The following GVQW3 variants were observed in gnomAD, a reference collection of about 807,000 sequenced individuals.
The protein encoded by GVQW3 is protein GVQW3.
GVQW3 carries 7 observed loss-of-function variants against 12.5 expected under a neutral mutation model. The observed-to-expected ratio is 0.56, with a 90% CI of 0.32 to 1.05. The LOEUF (loss-of-function observed/expected upper bound fraction) is 1.05. GVQW3 is among the 50% of genes least tolerant of loss of function. GVQW3 has a pLI of 0.04. For missense variants in GVQW3, 188 were observed against 190.8 expected, an observed-to-expected ratio of 0.99 and a Z score of 0.09; for synonymous variants, 71 against 67.2, an observed-to-expected ratio of 1.06 and a Z score of -0.28.
chr11:76,387,597 A>G (rs901274288), intron 1 of GVQW3, among the ~76,000 whole-genome samples: 2 of 152,024 alleles, frequency 1.3e-5, no homozygotes, highest in African/African-American at 4.8e-5. Flanking sequence ...TTAATGCCAC[A>G]TTGATCTGGC....
Position 76,382,153 on chromosome 11 carries a change from A to C in GVQW3, c.325A>C (p.Lys109Gln), listed in dbSNP as rs1330844899. 1 of 1,536,322 alleles carries C rather than the reference A, an allele frequency of 6.5e-7. No homozygotes were observed. Among genetic ancestry groups the C allele is most frequent in the Admixed American group, 2.0e-5 (1 of 51,012 alleles). Reference protein sequence around the residue: ...LDKETVRLILKENLNMRKISA... With the variant: ...LDKETVRLILQENLNMRKISA... The stretch of plus-strand genomic sequence containing the variant: ...CAAAGAAACTGTTAGGCTCATTTTG[A>C]AAGAAAACTTGAACATGAGGAAGAT... Residue 109 changes from lysine (K) to glutamine (Q), a missense_variant, in exon 1 of 2, where the codon AAA becomes CAA. Coordinates refer to ENST00000529331, the MANE Select transcript of GVQW3 (RefSeq NM_001347885.2).
chr11:76,400,006 T>TACAC (rs60192043), intron 1 of GVQW3, among the ~76,000 whole-genome samples: 18,414 of 140,264 alleles, frequency 0.13, 1,239 homozygotes, highest in Middle Eastern at 0.16. Flanking sequence ...TCTCTCTGTA[T>TACAC]ACACACACAC....
intron 1 of GVQW3, among the ~76,000 whole-genome samples, chr11:76,401,737 C>T (rs1228650286): frequency 1.4e-5 from 2 of 141,612 alleles, no homozygotes; most frequent in African/African-American, 2.7e-5. Context: ...TGCACCATTG[C>T]ACTCCAGCCT....
chr11:76,413,077 A>G (rs1279036372), downstream of GVQW3: 3 of 152,222 alleles, frequency 2.0e-5, no homozygotes, highest in Non-Finnish European at 4.4e-5. Flanking sequence ...TAAGAACGGA[A>G]ACTTCAAGAA....
intron 1 of GVQW3, chr11:76,390,272 ATGAG>A (rs1388165079): frequency 6.6e-6 from 1 of 152,214 alleles, no homozygotes; most frequent in Non-Finnish European, 1.5e-5. Context: ...TATAGAATGA[ATGAG>A]TGAGGCTTGG....
At chr11:76,398,895 A>G (rs943518832) in intron 1 of GVQW3, among the ~76,000 whole-genome samples, 3 of 152,206 alleles carry the variant, frequency 2.0e-5, no homozygotes, top group Non-Finnish European at 2.9e-5. Flanking sequence ...TAATTTGTGT[A>G]TAGGATTCTG....
chr11:76,411,965 A>G (rs896385713), downstream of GVQW3: 1 of 152,212 alleles, frequency 6.6e-6, no homozygotes, highest in East Asian at 1.9e-4. Flanking sequence ...ATATGGATCC[A>G]CAGATAGCTT....
chr11:76,401,039 A>AT (rs138695486), intron 1 of GVQW3, among the ~76,000 whole-genome samples: 6,533 of 149,386 alleles, frequency 0.044, 181 homozygotes, highest in East Asian at 0.08. Flanking sequence ...ATATATATAT[A>AT]TATTTTTTCT....
chr11:76,384,286 C>T (rs1946809406), intron 1 of GVQW3, among the ~76,000 whole-genome samples: 1 of 152,186 alleles, frequency 6.6e-6, no homozygotes, highest in Admixed American at 6.5e-5. Flanking sequence ...CTCTACTCAC[C>T]TCCAAAAATT....
rs1946771555 is a variant in GVQW3 at position 76,381,800 on chromosome 11, T to C, written c.-29T>C. 4 of 1,491,686 alleles carry C rather than the reference T, an allele frequency of 2.7e-6. No individual in the cohort carries two copies. Among genetic ancestry groups the C allele is most frequent in the Non-Finnish European group, 3.6e-6 (4 of 1,126,486 alleles). 92.4% of individuals were successfully genotyped at this position (1,491,686 alleles called of 1,614,324 possible). On this transcript the variant is annotated 5_prime_UTR_variant, in exon 1 of 2. Coordinates refer to ENST00000529331, the MANE Select transcript of GVQW3 (RefSeq NM_001347885.2). ...TCTTTCCCTTACAGTCGTGGCCTGT[T>C]AAACGTTCCTGTGTTGTTCAGTGCC...
Position 76,403,547 on chromosome 11 carries a change from G to A in GVQW3, c.466-113G>A, listed in dbSNP as rs1256060752. 1.9e-5 allele frequency: 8 copies of A among 415,342 alleles called. No homozygotes were observed. In the South Asian group the frequency reaches 3.1e-4, roughly 16 times the overall value. 25.7% of individuals were successfully genotyped at this position (415,342 alleles called of 1,614,324 possible). On this transcript the variant is annotated intron_variant, in intron 1 of 1. Coordinates refer to ENST00000529331, the MANE Select transcript of GVQW3 (RefSeq NM_001347885.2). ...TATAGTGGCACGATTTTAGCTCACT[G>A]CAGGCTTGCATTCCTGGGCTCAAGC...
chr11:76,382,377 C>T (rs1231269524), intron 1 of GVQW3, 84 bp downstream of exon 1: 3 of 875,276 alleles, frequency 3.4e-6, no homozygotes, highest in East Asian at 2.6e-5. Context: ...CCAGAGTCCA[C>T]TACTCTGCCA....
At chr11:76,411,746 T>C (rs1244877204), downstream of GVQW3, 2 of 152,186 alleles carry the variant, frequency 1.3e-5, no homozygotes, top group Non-Finnish European at 2.9e-5. Context: ...GTTGATGTAA[T>C]CTTGCAAATC....
At chr11:76,412,912 T>G (rs993422052), downstream of GVQW3, 4 of 152,182 alleles carry the variant, frequency 2.6e-5, no homozygotes, top group South Asian at 2.1e-4. Context: ...GAAGCTAGCT[T>G]CTTCTTTATG....
rs1005775313 is a variant in GVQW3 at position 76,403,804 on chromosome 11, A to G, written c.*46A>G. On this transcript the variant is annotated 3_prime_UTR_variant, in exon 2 of 2. Coordinates refer to ENST00000529331, the MANE Select transcript of GVQW3 (RefSeq NM_001347885.2). ...CCAGGAGTTCAATGGTGTAAATTCC[A>G]GTCTGAGTCCACAGGCCGAAGAGCG... 1.6e-6 allele frequency: 1 copy of G among 630,500 alleles called. No homozygotes were observed. Among genetic ancestry groups the G allele is most frequent in the Non-Finnish European group, 2.9e-6 (1 of 341,702 alleles). 39.1% of individuals were successfully genotyped at this position (630,500 alleles called of 1,614,324 possible). A position where few individuals can be genotyped will look rare whatever the true frequency, so the allele number is the denominator to read the frequency against.
Position 76,404,043 on chromosome 11 carries a change from T to C in GVQW3, c.*285T>C, listed in dbSNP as rs1464047891. On this transcript the variant is annotated 3_prime_UTR_variant, in exon 2 of 2. Coordinates refer to ENST00000529331, the MANE Select transcript of GVQW3 (RefSeq NM_001347885.2). Reference sequence around the variant, plus strand: ...TCCCCACAGACACACCCAGAAATAATGTTTTCCCATCTATCTCAGTACCCC... The same window carrying C: ...TCCCCACAGACACACCCAGAAATAACGTTTTCCCATCTATCTCAGTACCCC... 1.7e-5 allele frequency: 10 copies of C among 575,770 alleles called. No homozygotes were observed. Among genetic ancestry groups the C allele is most frequent in the Non-Finnish European group, 3.2e-5 (10 of 312,158 alleles). 35.7% of individuals were successfully genotyped at this position (575,770 alleles called of 1,614,324 possible).
chr11:76,410,978 T>A (rs540367982), downstream of GVQW3: 1 of 152,352 alleles, frequency 6.6e-6, no homozygotes, highest in Admixed American at 6.5e-5. Context: ...GTTCTCTGGC[T>A]GCTACACTGG....
chr11:76,382,856 C>A, intron 1 of GVQW3: 1 of 174,852 alleles, frequency 5.7e-6, no homozygotes, highest in Non-Finnish European at 1.2e-5. Flanking sequence ...CTGGGAGGAC[C>A]CCAAAAGAAG....
chr11:76,386,377 G>T (rs1488465975), intron 1 of GVQW3, among the ~76,000 whole-genome samples: 1 of 152,170 alleles, frequency 6.6e-6, no homozygotes, highest in African/African-American at 2.4e-5. Context: ...AGTCCTCATT[G>T]AAATGTTATT....
Sources: gnomAD v4.1 joint callset for allele counts (sites outside exome capture counted in the v4.1 genomes callset) on GRCh38, gnomAD v4.1.1 for gene constraint, MANE v1.5 for transcripts, NCBI Gene and HGNC (gene_info 2026-07-23, HGNC 2026-07-21) for gene names.